The following FAM193A variants were observed in gnomAD, a reference collection of about 807,000 sequenced individuals.
FAM193A encodes family with sequence similarity 193 member A, also known as protein FAM193A.
Under a neutral mutation model 126.5 loss-of-function variants are expected in FAM193A, and 22 were observed. The observed-to-expected ratio is 0.17, with a 90% CI of 0.12 to 0.25. The LOEUF is 0.25. FAM193A is among the 10% of genes least tolerant of loss of function. The pLI is 1.00. For missense variants in FAM193A, 1,675 were observed against 1,672.8 expected (o/e 1.00, Z -0.02); for synonymous variants, 761 against 646.8 (o/e 1.18, Z -2.68).
chr4:2,697,192 C>T (rs928132991), intron 18 of FAM193A, among the ~76,000 whole-genome samples: 5 of 151,986 alleles, frequency 3.3e-5, no homozygotes, highest in African/African-American at 1.2e-4. Flanking sequence ...AAGCAAATGT[C>T]AAATACAAAA....
intron 1 of FAM193A, among the ~76,000 whole-genome samples, chr4:2,537,726 C>T (rs758138122): frequency 6.6e-6 from 1 of 152,208 alleles, no homozygotes; most frequent in Non-Finnish European, 1.5e-5. Flanking sequence ...CGGAAGTTTT[C>T]CTTTGGTCCT....
chr4:2,585,012 C>T (rs1740157291), intron 1 of FAM193A, among the ~76,000 whole-genome samples: 1 of 152,118 alleles, frequency 6.6e-6, no homozygotes. Context: ...TGGAAGCATC[C>T]ATACTGAATA....
At chr4:2,609,918 A>T (rs1741760105) in intron 2 of FAM193A, among the ~76,000 whole-genome samples, 1 of 140,046 alleles carries the variant, frequency 7.1e-6, no homozygotes, top group African/African-American at 2.7e-5. Context: ...ACAGAGCGAG[A>T]CTCCGTCTTA....
chr4:2,608,211 C>T (rs549119224), intron 2 of FAM193A: 19 of 1,308,256 alleles, frequency 1.5e-5, no homozygotes, highest in African/African-American at 7.5e-5. Context: ...TCGAGACGGT[C>T]GGTCTCGCCC....
intron 1 of FAM193A, among the ~76,000 whole-genome samples, chr4:2,591,945 T>A (rs1261619589): frequency 6.6e-6 from 1 of 152,216 alleles, no homozygotes; most frequent in Admixed American, 6.5e-5. Flanking sequence ...CTTAGCCATA[T>A]GTCCGTATTC....
intron 19 of FAM193A, among the ~76,000 whole-genome samples, chr4:2,702,620 C>A (rs193120874): frequency 1.3e-5 from 2 of 152,300 alleles, no homozygotes; most frequent in East Asian, 3.9e-4. Context: ...CAGCCCCACT[C>A]CTGTGCTACA....
At chr4:2,548,763 C>G (rs2108815081) in intron 1 of FAM193A, among the ~76,000 whole-genome samples, 1 of 151,648 alleles carries the variant, frequency 6.6e-6, no homozygotes, top group South Asian at 2.1e-4. Context: ...AACCTGTTAA[C>G]TGGTTTTTTG....
At chr4:2,682,048 G>A (rs1437044141) in intron 13 of FAM193A, among the ~76,000 whole-genome samples, 1 of 143,070 alleles carries the variant, frequency 7.0e-6, no homozygotes, top group Non-Finnish European at 1.5e-5. Context: ...GCAGTGATGC[G>A]ATCTCGGCTC....
At position 2,688,134 on chromosome 4, in the gene FAM193A, T is replaced by C. The variant is rs143562308; in HGVS notation, c.2332-1372T>C. ...CAGAAGTCCTGCTGAGGGAGAACCGTATGTCTGCCCAGCATTAGCAAGGAC... is the reference window on the plus strand; with the variant it reads ...CAGAAGTCCTGCTGAGGGAGAACCGCATGTCTGCCCAGCATTAGCAAGGAC... On this transcript the variant is annotated intron_variant, in intron 13 of 20. Coordinates refer to ENST00000637812, the MANE Select transcript of FAM193A (RefSeq NM_001366318.2). Among the ~76,000 whole-genome samples, 227 of 152,256 alleles carry C rather than the reference T, an allele frequency of 1.5e-3. 1 individual carries two copies. Among genetic ancestry groups the C allele is most frequent in the African/African-American group, 5.0e-3 (209 of 41,546 alleles).
At chr4:2,613,251 A>G (rs754218402) in intron 2 of FAM193A, among the ~76,000 whole-genome samples, 14 of 152,200 alleles carry the variant, frequency 9.2e-5, no homozygotes, top group African/African-American at 3.4e-4. Context: ...AGTTTGGGCA[A>G]CATAGTGAGA....
rs577381462 is a variant in FAM193A at position 2,586,565 on chromosome 4, TTA to T, written c.256-9518_256-9517del. Among the ~76,000 whole-genome samples, 77 of 152,296 alleles carry T rather than the reference TTA, an allele frequency of 5.1e-4. 1 individual carries two copies. The South Asian group carries it at 0.015, about 30-fold the overall frequency. ...TGTGTTTCATACCTTGGTTATAAATTTAGTGTCCGTGTATCATACCTTGATTC... is the reference window on the plus strand; with the variant it reads ...TGTGTTTCATACCTTGGTTATAAATTGTGTCCGTGTATCATACCTTGATTC... On this transcript the variant is annotated intron_variant, in intron 1 of 20. Transcript: ENST00000637812.
intron 19 of FAM193A, among the ~76,000 whole-genome samples, chr4:2,704,136 G>A (rs1254437086): frequency 6.6e-6 from 1 of 151,768 alleles, no homozygotes; most frequent in African/African-American, 2.4e-5. Context: ...GGTGGCACAC[G>A]CCTATAATCC....
intron 1 of FAM193A, among the ~76,000 whole-genome samples, chr4:2,566,427 C>T (rs1738955141): frequency 6.6e-6 from 1 of 152,142 alleles, no homozygotes; most frequent in African/African-American, 2.4e-5. Flanking sequence ...CGGTGGCTCA[C>T]ACCTGTAATC....
upstream of FAM193A, among the ~76,000 whole-genome samples, chr4:2,535,428 C>A (rs1736826848): frequency 6.6e-6 from 1 of 152,234 alleles, no homozygotes; most frequent in Non-Finnish European, 1.5e-5. Flanking sequence ...CAAGGGGAGC[C>A]TGGCAGGCCG....
intron 7 of FAM193A, chr4:2,655,009 T>G: frequency 1.6e-6 from 1 of 640,286 alleles, no homozygotes; most frequent in Non-Finnish European, 2.9e-6. Context: ...TAATGATAGG[T>G]TTATCTCATC....
In FAM193A at chr4:2,700,159, G is replaced by A. The variant is rs551453279; in HGVS notation, c.3987G>A (p.Gln1329=). ...TCTCTTTTTTCTTCGACATCATGCA[G>A]CACCATAAAGAAGGAAATGGCAAGC... ...EPLSFFFDIM[Q]HHKEGNGKQK... is the part of the protein sequence containing the mutation. The change falls in exon 19 of 21, where the codon CAG becomes CAA. Residue 1329 remains glutamine, a synonymous_variant. Transcript: ENST00000637812. 86 of 1,613,588 alleles carry A rather than the reference G, an allele frequency of 5.3e-5. No homozygotes were observed. The South Asian group carries it at 9.0e-4, about 17-fold the overall frequency.
chr4:2,568,198 T>C (rs183087739), intron 1 of FAM193A, among the ~76,000 whole-genome samples: 431 of 152,314 alleles, frequency 2.8e-3, no homozygotes, highest in African/African-American at 7.9e-3. Flanking sequence ...TTAAAAAATA[T>C]GATGTTAGCT....
chr4:2,600,983 C>T (rs1741162091), intron 2 of FAM193A, among the ~76,000 whole-genome samples: 2 of 152,176 alleles, frequency 1.3e-5, no homozygotes, highest in Non-Finnish European at 2.9e-5. Context: ...TGCCCACCAG[C>T]GTGGCACATG....
intron 8 of FAM193A, among the ~76,000 whole-genome samples, chr4:2,659,273 A>G (rs1287019738): frequency 6.6e-6 from 1 of 152,170 alleles, no homozygotes; most frequent in Admixed American, 6.5e-5. Flanking sequence ...CATGGCAGAC[A>G]GGGTAAAGGC....
Sources: gnomAD v4.1 joint callset for allele counts (sites outside exome capture counted in the v4.1 genomes callset) on GRCh38, gnomAD v4.1.1 for gene constraint, MANE v1.5 for transcripts, NCBI Gene and HGNC (gene_info 2026-07-23, HGNC 2026-07-21) for gene names.